KCTD15: variants seen among roughly 807,000 people sequenced by gnomAD.
KCTD15 encodes BTB/POZ domain-containing protein KCTD15.
Under a neutral mutation model 27.2 loss-of-function variants are expected in KCTD15, and 11 were observed. That is an observed-to-expected ratio of 0.41 (90% CI 0.25 to 0.67). The LOEUF (loss-of-function observed/expected upper bound fraction) is 0.67. Among genes scored for constraint, KCTD15 ranks in the 30% least tolerant of loss-of-function variants. The pLI, the probability that KCTD15 is intolerant of heterozygous loss-of-function variation, is 0.35. For missense variants in KCTD15, 350 were observed against 409.3 expected (o/e 0.86, Z 1.25); for synonymous variants, 163 against 176.0 (o/e 0.93, Z 0.58).
chr19:33,807,107 C>T, intron 5 of KCTD15, 100 bp downstream of exon 5: 1 of 1,390,892 alleles, frequency 7.2e-7, no homozygotes, highest in Non-Finnish European at 9.8e-7. Flanking sequence ...TCATGGTAAC[C>T]ATAAAAAGTT....
upstream of KCTD15, among the ~76,000 whole-genome samples, chr19:33,794,667 G>A (rs1036760978): frequency 1.3e-5 from 2 of 152,168 alleles, no homozygotes; most frequent in African/African-American, 4.8e-5. Context: ...CATGAAGTTG[G>A]GGGCACCCAC....
intron 4 of KCTD15, 38 bp from the exon 5 acceptor site, chr19:33,806,825 C>T: frequency 6.2e-7 from 1 of 1,605,268 alleles, no homozygotes; most frequent in Admixed American, 1.7e-5. Context: ...GACTTGTCCC[C>T]ATCCCTTCAG....
At chr19:33,811,603 G>C (rs745967450) in intron 6 of KCTD15, 51 bp downstream of exon 6, 2 of 1,566,270 alleles carry the variant, frequency 1.3e-6, no homozygotes, top group Non-Finnish European at 1.7e-6. Flanking sequence ...CGTCCGCGGA[G>C]CCCTCCAGGG....
rs554384371 is a variant in KCTD15 at position 33,808,188 on chromosome 19, G to GTCCT, written c.387+1192_387+1195dup. 5.7e-4 allele frequency among the ~76,000 whole-genome samples: 87 copies of GTCCT among 152,318 alleles called. 1 individual carries two copies. The highest frequency in any genetic ancestry group is 3.4e-3 in the Middle Eastern group (1 of 294). On this transcript the variant is annotated intron_variant, in intron 5 of 6. Transcript: ENST00000683859. ...CATGTATTAATACTAGCAAATGTCTGTCCTTCCTTCCTTCATTCCTTCCTC... is the reference window on the plus strand; with the variant it reads ...CATGTATTAATACTAGCAAATGTCTGTCCTTCCTTCCTTCCTTCATTCCTTCCTC...
In KCTD15 at chr19:33,798,766, G is replaced by A. The variant is rs1975436916; in HGVS notation, c.-28G>A. 6.6e-6 allele frequency: 1 copy of A among 152,658 alleles called. No homozygotes were observed. Among genetic ancestry groups the A allele is most frequent in the Admixed American group, 6.5e-5 (1 of 15,280 alleles). 9.5% of individuals were successfully genotyped at this position (152,658 alleles called of 1,614,324 possible). A position where few individuals can be genotyped will look rare whatever the true frequency, so the allele number is the denominator to read the frequency against. On this transcript the variant is annotated splice_region_variant and 5_prime_UTR_variant, in exon 2 of 7. Transcript: ENST00000683859. ...AGGCGTAAAGCCTGGGGCTTCCAACGGTAAGTTTCTGGCTTGCCATGAACA... is the reference window on the plus strand; with the variant it reads ...AGGCGTAAAGCCTGGGGCTTCCAACAGTAAGTTTCTGGCTTGCCATGAACA...
At chr19:33,812,217 C>T in intron 6 of KCTD15, 4 of 1,070,048 alleles carry the variant, frequency 3.7e-6, no homozygotes, top group South Asian at 4.1e-5. Flanking sequence ...ACCTCACCCT[C>T]ACAGAGGCAC....
chr19:33,808,711 CAG>C (rs1479767133), intron 5 of KCTD15, among the ~76,000 whole-genome samples: 11 of 103,544 alleles, frequency 1.1e-4, no homozygotes, highest in African/African-American at 3.6e-4. Context: ...GGGAAGAAGG[CAG>C]AGAGGGGTGG....
At chr19:33,809,768 G>C (rs1441922500) in intron 5 of KCTD15, among the ~76,000 whole-genome samples, 1 of 152,120 alleles carries the variant, frequency 6.6e-6, no homozygotes, top group Non-Finnish European at 1.5e-5. Context: ...CTGCTCGGGA[G>C]GCTGAGTCAG....
At chr19:33,806,072 G>A (rs554149095) in intron 4 of KCTD15, among the ~76,000 whole-genome samples, 3 of 152,374 alleles carry the variant, frequency 2.0e-5, no homozygotes, top group East Asian at 3.9e-4. Flanking sequence ...TGTATGCACT[G>A]TGGTGCATGT....
At chr19:33,809,858 G>A (rs1303225787) in intron 5 of KCTD15, among the ~76,000 whole-genome samples, 1 of 152,158 alleles carries the variant, frequency 6.6e-6, no homozygotes, top group East Asian at 1.9e-4. Flanking sequence ...GCTACAGAAT[G>A]AGACCCTGTC....
chr19:33,808,901 G>T (rs528945303), intron 5 of KCTD15, among the ~76,000 whole-genome samples: 14 of 152,272 alleles, frequency 9.2e-5, no homozygotes, highest in African/African-American at 3.1e-4. Flanking sequence ...TTGGGAGGCC[G>T]AATGGGGAGG....
At chr19:33,795,640 C>CGAG (rs944983751), upstream of KCTD15, among the ~76,000 whole-genome samples, 2 of 151,646 alleles carry the variant, frequency 1.3e-5, no homozygotes, top group South Asian at 2.1e-4. Context: ...AAATGGTCGC[C>CGAG]GAGGAGGAGG....
chr19:33,797,897 C>T (rs956435691), intron 1 of KCTD15, among the ~76,000 whole-genome samples: 1 of 152,216 alleles, frequency 6.6e-6, no homozygotes, highest in African/African-American at 2.4e-5. Flanking sequence ...AGCTTCCCAT[C>T]TGTGGTCTCC....
At chr19:33,800,199 CTGTG>C (rs558591760) in intron 2 of KCTD15, among the ~76,000 whole-genome samples, 2 of 152,018 alleles carry the variant, frequency 1.3e-5, no homozygotes, top group South Asian at 4.1e-4. Flanking sequence ...GTGAGTGTGA[CTGTG>C]TGTGTGTGCA....
At chr19:33,794,415 G>C (rs572404722), upstream of KCTD15, among the ~76,000 whole-genome samples, 5 of 152,110 alleles carry the variant, frequency 3.3e-5, no homozygotes, top group Admixed American at 2.0e-4. Flanking sequence ...AAACAGTTTC[G>C]CTTATACCAA....
upstream of KCTD15, among the ~76,000 whole-genome samples, chr19:33,795,296 A>G (rs1370731016): frequency 1.3e-5 from 2 of 152,170 alleles, no homozygotes; most frequent in East Asian, 1.9e-4. Flanking sequence ...ATTCCCGCGT[A>G]AAGAAGTTAC....
Position 33,812,461 on chromosome 19 carries a change from G to T in KCTD15, c.694-329G>T, listed in dbSNP as rs1312567093. ...CCATGTGTCTGGAGAGAGGGCATAG[G>T]TTACACCCTACAGAATAAAGAAGGG... On this transcript the variant is annotated intron_variant, in intron 6 of 6. Coordinates refer to ENST00000683859, the MANE Select transcript of KCTD15 (RefSeq NM_001129994.2). The T allele has an allele frequency of 2.7e-6, 3 of 1,128,454 alleles. No individual in the cohort carries two copies. The East Asian group carries it at 1.5e-4, about 57-fold the overall frequency. The allele number at this position is 1,128,454 out of a possible 1,614,324, so 69.9% of individuals were successfully genotyped here.
chr19:33,799,519 C>T (rs1206896070), intron 2 of KCTD15: 1 of 152,282 alleles, frequency 6.6e-6, no homozygotes, highest in Non-Finnish European at 1.5e-5. Context: ...CTGCAGAATT[C>T]TGCCCCTCCT....
At chr19:33,799,037 T>G (rs575261417) in intron 2 of KCTD15, among the ~76,000 whole-genome samples, 1 of 152,344 alleles carries the variant, frequency 6.6e-6, no homozygotes, top group South Asian at 2.1e-4. Flanking sequence ...AGGTCTGTTT[T>G]GGTTCTCAGA....
Sources: allele counts gnomAD v4.1 joint callset (sites outside exome capture counted in the v4.1 genomes callset), GRCh38; gene constraint gnomAD v4.1.1; transcripts MANE v1.5; gene names NCBI Gene and HGNC (gene_info 2026-07-23, HGNC 2026-07-21).